PCNX2: variants seen among roughly 807,000 people sequenced by gnomAD.
PCNX2 encodes the protein pecanex 2.
Under a neutral mutation model 223.8 loss-of-function variants are expected in PCNX2, and 168 were observed. The ratio of observed to expected loss-of-function variants is 0.75; its 90% CI spans 0.66 to 0.85. PCNX2 has a LOEUF of 0.85. Among genes scored for constraint, PCNX2 ranks in the 40% least tolerant of loss-of-function variants. The pLI, the probability that PCNX2 is intolerant of heterozygous loss-of-function variation, is 0.00. For missense variants in PCNX2, 2,507 were observed against 2,675.5 expected (o/e 0.94, Z 1.39); for synonymous variants, 1,006 against 1,052.6 (o/e 0.96, Z 0.86).
At position 233,227,507 on chromosome 1, in the gene PCNX2, T is replaced by A. The variant is rs1428676050; in HGVS notation, c.2359-136A>T. The A allele has an allele frequency of 3.8e-6, 3 of 789,626 alleles. No homozygotes were observed. In the African/African-American group the frequency reaches 5.4e-5, roughly 14 times the overall value. 48.9% of individuals were successfully genotyped at this position (789,626 alleles called of 1,614,324 possible). ...ATTTAAAAATACAAAAAGCAAATGT[T>A]CAAATTCTGATATGTAAACCAACAT... On this transcript the variant is annotated intron_variant, in intron 9 of 33. Transcript: ENST00000258229.
At chr1:233,046,505 C>T (rs1180322085) in intron 25 of PCNX2, among the ~76,000 whole-genome samples, 1 of 152,132 alleles carries the variant, frequency 6.6e-6, no homozygotes, top group Non-Finnish European at 1.5e-5. Context: ...GTCCCTGTGT[C>T]CCCAACTACA....
chr1:233,023,363 C>T (rs534746576), intron 26 of PCNX2, among the ~76,000 whole-genome samples: 118 of 152,248 alleles, frequency 7.8e-4, no homozygotes, highest in Middle Eastern at 3.4e-3. Flanking sequence ...GACAATGTTC[C>T]GGCTGATGGG....
intron 19 of PCNX2, among the ~76,000 whole-genome samples, chr1:233,156,854 G>A (rs932499413): frequency 1.3e-5 from 2 of 152,116 alleles, no homozygotes; most frequent in Non-Finnish European, 2.9e-5. Flanking sequence ...GGAGGCAGAG[G>A]TTGCAGTGAG....
At chr1:232,988,466 G>T (rs546824963) in intron 32 of PCNX2, among the ~76,000 whole-genome samples, 5 of 151,854 alleles carry the variant, frequency 3.3e-5, no homozygotes, top group Non-Finnish European at 5.9e-5. Context: ...CACTAAGGAA[G>T]CAAACCATGC....
At chr1:233,030,070 A>G (rs1282075572) in intron 25 of PCNX2, among the ~76,000 whole-genome samples, 3 of 152,156 alleles carry the variant, frequency 2.0e-5, no homozygotes, top group African/African-American at 7.2e-5. Context: ...TGAATTACAC[A>G]TATGTTAAAA....
the PCNX2 span, among the ~76,000 whole-genome samples, chr1:233,326,265 C>T: frequency 6.6e-6 from 1 of 152,222 alleles, no homozygotes. Context: ...ACCATGCTTG[C>T]AGTATCTCCA....
At chr1:233,022,434 C>G (rs1558169297) in intron 26 of PCNX2, among the ~76,000 whole-genome samples, 1 of 152,098 alleles carries the variant, frequency 6.6e-6, no homozygotes, top group African/African-American at 2.4e-5. Flanking sequence ...GGGCATGGCC[C>G]CGGGCTGTCA....
At chr1:233,299,786 T>C (rs1662231178), upstream of PCNX2, among the ~76,000 whole-genome samples, 1 of 152,190 alleles carries the variant, frequency 6.6e-6, no homozygotes, top group Non-Finnish European at 1.5e-5. Context: ...CGCCTGGAAG[T>C]TATAGTACAG....
intron 19 of PCNX2, among the ~76,000 whole-genome samples, chr1:233,150,645 A>AT (rs1303576266): frequency 6.6e-6 from 1 of 152,062 alleles, no homozygotes; most frequent in Non-Finnish European, 1.5e-5. Flanking sequence ...TTCTTCCTTC[A>AT]TTTTAAAAAA....
At chr1:233,065,925 C>T (rs988199705) in intron 23 of PCNX2, among the ~76,000 whole-genome samples, 2 of 152,126 alleles carry the variant, frequency 1.3e-5, no homozygotes, top group African/African-American at 4.8e-5. Context: ...GCCTGAAAAC[C>T]AAGCTGCCAG....
Position 233,223,288 on chromosome 1 carries a change from T to G in PCNX2, c.2504+3938A>C, listed in dbSNP as rs183978540. Reference sequence around the variant, plus strand: ...CAACGGTGACCCTGACAAGGGCAGGTTCAACGGAGTTTTGAGGTTGGGGGA... The same window carrying G: ...CAACGGTGACCCTGACAAGGGCAGGGTCAACGGAGTTTTGAGGTTGGGGGA... On this transcript the variant is annotated intron_variant, in intron 10 of 33. Coordinates refer to ENST00000258229, the MANE Select transcript of PCNX2 (RefSeq NM_014801.4). 2.2e-4 allele frequency among the ~76,000 whole-genome samples: 33 copies of G among 152,200 alleles called. No homozygotes were observed. The East Asian group carries it at 5.6e-3, about 26-fold the overall frequency.
rs1034128736 is a variant in PCNX2 at position 233,192,418 on chromosome 1, C to T, written c.3066+6521G>A. Among the ~76,000 whole-genome samples, 8 of 151,864 alleles carry T rather than the reference C, an allele frequency of 5.3e-5. No individual in the cohort carries two copies. The East Asian group carries it at 5.8e-4, about 11-fold the overall frequency. On this transcript the variant is annotated intron_variant, in intron 15 of 33. Transcript: ENST00000258229. ...ACTGTCCTAATATTAAATCTTGGCT[C>T]GAAAAAAATTTTAAACATTCTACAG...
At chr1:232,992,752 T>C (rs1669745699) in intron 32 of PCNX2, among the ~76,000 whole-genome samples, 1 of 152,200 alleles carries the variant, frequency 6.6e-6, no homozygotes, top group African/African-American at 2.4e-5. Context: ...AGAGACCTGC[T>C]GGGAAGTGAA....
intron 21 of PCNX2, among the ~76,000 whole-genome samples, chr1:233,115,400 C>A (rs1287924728): frequency 6.6e-6 from 1 of 152,010 alleles, no homozygotes. Flanking sequence ...TAAGGGAAAC[C>A]GAAAGTCAAG....
intron 1 of PCNX2, among the ~76,000 whole-genome samples, chr1:233,289,850 T>G (rs1572211820): frequency 6.6e-6 from 1 of 152,236 alleles, no homozygotes; most frequent in Non-Finnish European, 1.5e-5. Flanking sequence ...TCATGTGGAA[T>G]GGGCCAAGCC....
In PCNX2 at chr1:233,179,109, A is replaced by G. The variant is rs1679648727; in HGVS notation, c.3133T>C (p.Ser1045Pro). The change falls in exon 16 of 34, where the codon TCT (serine) becomes CCT (proline). Residue 1045 changes from serine (S) to proline (P), a missense_variant. Around this residue, in one of 3 missense-constraint regions of PCNX2, gnomAD observed 1,372 missense variants for 1,509.4 expected, o/e 0.91. Transcript: ENST00000258229. ...SAFCGLLVALSYHLSRQSSDP... is the reference protein window; with the variant it reads ...SAFCGLLVALPYHLSRQSSDP... ...CTGCTCTGACGGCTCAGATGGTAAG[A>G]AAGGGCGACCAAGAGGCCACAGAAG... The G allele has an allele frequency of 6.2e-7, 1 of 1,613,810 alleles. No individual in the cohort carries two copies. Among genetic ancestry groups the G allele is most frequent in the Non-Finnish European group, 8.5e-7 (1 of 1,179,846 alleles).
chr1:233,241,905 C>T (rs1043267690), intron 8 of PCNX2, among the ~76,000 whole-genome samples: 2 of 152,108 alleles, frequency 1.3e-5, no homozygotes, highest in Non-Finnish European at 2.9e-5. Flanking sequence ...AAGTTAAAAA[C>T]ACAGTCTAAA....
At position 233,017,005 on chromosome 1, in the gene PCNX2, G is replaced by T. The variant is rs927102187; in HGVS notation, c.4755C>A (p.Val1585=). ...CTCGTGTGATCCCCTGGAGACACGG[G>T]ACGTAGTCATCATCAATGTTAATGT... ...MFNINIDDDY[V]PCLQGITRAS... Residue 1585 remains valine, a synonymous_variant, in exon 27 of 34, where the codon GTC becomes GTA. Coordinates refer to ENST00000258229, the MANE Select transcript of PCNX2 (RefSeq NM_014801.4). 4.3e-6 allele frequency: 7 copies of T among 1,613,848 alleles called. No homozygotes were observed. Among genetic ancestry groups the T allele is most frequent in the Non-Finnish European group, 4.2e-6 (5 of 1,179,888 alleles).
rs1019604610 is a variant in PCNX2 at position 233,001,277 on chromosome 1, C to T, written c.5097+260G>A. On this transcript the variant is annotated intron_variant, in intron 29 of 33. Coordinates refer to ENST00000258229, the MANE Select transcript of PCNX2 (RefSeq NM_014801.4). This position sits in a 1 kb window ranked among gnomAD's most constrained non-coding sequence, Gnocchi z 4.2. ...GGCAGATCACTTAAGGTCGGGAGTT[C>T]GAGATCAGCCTGACCAACATGGAGA... Among the ~76,000 whole-genome samples, 11 of 152,096 alleles carry T rather than the reference C, an allele frequency of 7.2e-5. No homozygotes were observed. Among genetic ancestry groups the T allele is most frequent in the South Asian group, 2.1e-4 (1 of 4,830 alleles).
Sources: gnomAD v4.1 joint callset for allele counts (sites outside exome capture counted in the v4.1 genomes callset) on GRCh38, gnomAD v4.1.1 for gene constraint, gnomAD v4.1.1 regional missense constraint, Gnocchi (gnomAD v3.1) non-coding constraint, MANE v1.5 for transcripts, NCBI Gene and HGNC (gene_info 2026-07-23, HGNC 2026-07-21) for gene names.